The following ABCA13 variants were observed in gnomAD, a reference collection of about 807,000 sequenced individuals.
The protein encoded by ABCA13 is ATP-binding cassette sub-family A member 13.
Under a neutral mutation model 478.7 loss-of-function variants are expected in ABCA13, and 476 were observed. That is an observed-to-expected ratio of 0.99 (90% confidence interval 0.92 to 1.07). The LOEUF is 1.07. ABCA13 is among the 50% of genes least tolerant of loss of function. The pLI, the probability that ABCA13 is intolerant of heterozygous loss-of-function variation, is 0.00. For missense variants in ABCA13, 6,060 were observed against 5,910.6 expected, an observed-to-expected ratio of 1.03 and a Z score of -0.83; for synonymous variants, 2,252 against 2,158.9, an observed-to-expected ratio of 1.04 and a Z score of -1.20.
chr7:48,303,204 A>T (rs1027385063), intron 23 of ABCA13, among the ~76,000 whole-genome samples: 6 of 151,488 alleles, frequency 4.0e-5, no homozygotes, highest in Non-Finnish European at 1.5e-5. Flanking sequence ...TTTCTTGTAA[A>T]TTTTTTTTAA....
At chr7:48,369,478 A>G (rs1171176744) in intron 32 of ABCA13, among the ~76,000 whole-genome samples, 1 of 152,096 alleles carries the variant, frequency 6.6e-6, no homozygotes, top group Non-Finnish European at 1.5e-5. Context: ...GCCAATGTAT[A>G]GAAGGGTTTT....
At chr7:48,293,303 C>T (rs1040513176) in intron 20 of ABCA13, among the ~76,000 whole-genome samples, 1 of 150,520 alleles carries the variant, frequency 6.6e-6, no homozygotes, top group African/African-American at 2.4e-5. Context: ...GCAGTCTTCA[C>T]ATTTCCTTGG....
intron 59 of ABCA13, among the ~76,000 whole-genome samples, chr7:48,642,593 A>C (rs1031016340): frequency 3.3e-5 from 5 of 152,068 alleles, no homozygotes; most frequent in African/African-American, 1.2e-4. Context: ...ACACCACCTG[A>C]GATAAGGGAG....
intron 43 of ABCA13, among the ~76,000 whole-genome samples, chr7:48,461,031 G>T (rs1826187189): frequency 6.6e-6 from 1 of 152,194 alleles, no homozygotes; most frequent in South Asian, 2.1e-4. Context: ...AGTAGTGATT[G>T]CTTCACTTTG....
chr7:48,520,300 T>C lies in ABCA13; in HGVS notation c.14051+6T>C, dbSNP rs1832454034. On this transcript the variant is annotated splice_donor_region_variant and intron_variant, in intron 53 of 61. Coordinates refer to ENST00000435803, the MANE Select transcript of ABCA13 (RefSeq NM_152701.5). ...GACCTTCTGCGATGGCCAAGGTGGG[T>C]TCTGAAGGACTCATCCTCGAGCTGC... 3.1e-6 allele frequency: 5 copies of C among 1,603,686 alleles called. No individual in the cohort carries two copies. Among genetic ancestry groups the C allele is most frequent in the Non-Finnish European group, 4.3e-6 (5 of 1,172,892 alleles).
intron 1 of ABCA13, among the ~76,000 whole-genome samples, chr7:48,177,638 G>A (rs1227237908): frequency 6.6e-6 from 1 of 152,188 alleles, no homozygotes; most frequent in African/African-American, 2.4e-5. Flanking sequence ...CATTTCTTGC[G>A]ATTAGGCCAC....
At chr7:48,311,262 A>C (rs186135641) in intron 24 of ABCA13, among the ~76,000 whole-genome samples, 18 of 152,248 alleles carry the variant, frequency 1.2e-4, no homozygotes, top group Admixed American at 8.5e-4. Context: ...ATGAACACAC[A>C]CACACCCACA....
At chr7:48,223,654 G>T (rs1787697065) in intron 5 of ABCA13, among the ~76,000 whole-genome samples, 1 of 152,012 alleles carries the variant, frequency 6.6e-6, no homozygotes, top group South Asian at 2.1e-4. Flanking sequence ...ACTGGAGTGG[G>T]TTTAAAAGAG....
intron 1 of ABCA13, among the ~76,000 whole-genome samples, chr7:48,183,193 T>C (rs1795929019): frequency 1.3e-5 from 2 of 152,218 alleles, no homozygotes; most frequent in Admixed American, 1.3e-4. Flanking sequence ...TTCTTTCTTA[T>C]TCATTTACAA....
At chr7:48,319,984 A>G (rs1050238243) in intron 27 of ABCA13, among the ~76,000 whole-genome samples, 1 of 152,080 alleles carries the variant, frequency 6.6e-6, no homozygotes, top group Admixed American at 6.5e-5. Context: ...ACCCATCCAT[A>G]TCCTTCCACA....
intron 27 of ABCA13, among the ~76,000 whole-genome samples, chr7:48,322,020 A>G (rs1803558813): frequency 6.6e-6 from 1 of 152,236 alleles, no homozygotes. Context: ...CACTGTCAGC[A>G]GGCAATTTTG....
intron 38 of ABCA13, among the ~76,000 whole-genome samples, chr7:48,398,683 G>A (rs942440790): frequency 6.6e-6 from 1 of 152,154 alleles, no homozygotes; most frequent in South Asian, 2.1e-4. Context: ...TCAGTGTGAT[G>A]TTGTTATGTA....
At chr7:48,526,025 C>T (rs1272284531) in intron 54 of ABCA13, among the ~76,000 whole-genome samples, 4 of 152,034 alleles carry the variant, frequency 2.6e-5, no homozygotes, top group Non-Finnish European at 4.4e-5. Flanking sequence ...GGGTGTGGGG[C>T]AGGACCCTCT....
At chr7:48,317,066 ATGAGGCATCC>A (rs1208432952) in intron 26 of ABCA13, 81 bp from the exon 27 acceptor site, 15 of 1,450,380 alleles carry the variant, frequency 1.0e-5, no homozygotes, top group Non-Finnish European at 1.3e-5. Flanking sequence ...GTCATTGAAA[ATGAGGCATCC>A]TGGATATGTG....
At chr7:48,389,951 AG>A (rs1815786809) in intron 37 of ABCA13, among the ~76,000 whole-genome samples, 1 of 152,244 alleles carries the variant, frequency 6.6e-6, no homozygotes, top group South Asian at 2.1e-4. Context: ...TTAATAAGAA[AG>A]GTAGAAAAAT....
In ABCA13 at chr7:48,239,377, C is replaced by T. The variant is rs1256548449; in HGVS notation, c.1034C>T (p.Ala345Val). ...WSEAKNYLVH[A>V]VSWLRVYQQV... ...GAAGCCAAAAACTATCTTGTCCATG[C>T]AGTCAGCTGGCTGCGAGTCTACCAA... Residue 345 changes from alanine (A) to valine (V), a missense_variant, in exon 9 of 62, where the codon GCA (alanine) becomes GTA (valine). Transcript: ENST00000435803. 1.9e-6 allele frequency: 3 copies of T among 1,613,642 alleles called. No individual in the cohort carries two copies. The highest frequency in any genetic ancestry group is 1.7e-5 in the Admixed American group (1 of 60,000).
chr7:48,344,048 T>C (rs919303987), intron 29 of ABCA13, among the ~76,000 whole-genome samples: 1 of 152,232 alleles, frequency 6.6e-6, no homozygotes, highest in African/African-American at 2.4e-5. Context: ...CTTAAATGTT[T>C]GGTGATATTA....
rs76847457 is a variant in ABCA13 at position 48,400,558 on chromosome 7, T to G, written c.11874-3125T>G. Among the ~76,000 whole-genome samples, 454 of 152,324 alleles carry G rather than the reference T, an allele frequency of 3.0e-3. 3 individuals are homozygous for G. The highest frequency in any genetic ancestry group is 7.8e-3 in the African/African-American group (323 of 41,572). ...ATCAATAACTAGAAAAACACTAGCC[T>G]CTAAATAACTTTAAAATTAAAAAAA... On this transcript the variant is annotated intron_variant, in intron 38 of 61. Transcript: ENST00000435803.
At chr7:48,528,492 G>A (rs2131032972) in intron 55 of ABCA13, 147 bp downstream of exon 55, 3 of 579,880 alleles carry the variant, frequency 5.2e-6, no homozygotes, top group Middle Eastern at 2.7e-4. Flanking sequence ...CTCTGATGTG[G>A]GGAAAAGTTT....
Sources: gnomAD v4.1 joint callset for allele counts (sites outside exome capture counted in the v4.1 genomes callset) on GRCh38, gnomAD v4.1.1 for gene constraint, MANE v1.5 for transcripts, NCBI Gene and HGNC (gene_info 2026-07-23, HGNC 2026-07-21) for gene names.